The following MID1 variants were observed in gnomAD, a reference collection of about 807,000 sequenced individuals.
MID1 encodes E3 ubiquitin-protein ligase Midline-1.
MID1 carries 7 observed loss-of-function variants against 40.4 expected under a neutral mutation model. That is an observed-to-expected ratio of 0.17 (90% CI 0.10 to 0.33). MID1 has a LOEUF of 0.33. Among genes scored for constraint, MID1 ranks in the 10% least tolerant of loss-of-function variants. The pLI is 1.00. For missense variants in MID1, 367 were observed against 558.5 expected, an observed-to-expected ratio of 0.66 and a Z score of 3.46; for synonymous variants, 229 against 221.2, an observed-to-expected ratio of 1.04 and a Z score of -0.31.
intron 1 of MID1, among the ~76,000 whole-genome samples, chrX:10,779,067 G>C (rs1288221662): frequency 8.9e-6 from 1 of 112,925 alleles, no homozygotes; most frequent in African/African-American, 3.2e-5. Context: ...CTTCCATCTA[G>C]TTCTAGCAAG....
chrX:10,479,825 T>C (rs1040146140), intron 5 of MID1, among the ~76,000 whole-genome samples: 5 of 112,208 alleles, frequency 4.5e-5, no homozygotes, highest in Admixed American at 9.5e-5. Context: ...ATCTCTTCTA[T>C]ATACTGATTT....
chrX:10,822,132 C>T (rs1291945751), intron 1 of MID1, among the ~76,000 whole-genome samples: 1 of 111,015 alleles, frequency 9.0e-6, no homozygotes, highest in Non-Finnish European at 1.9e-5. Flanking sequence ...GGTACTTGTA[C>T]AAAAACAGAC....
At chrX:10,584,230 C>A (rs1157824257) in intron 1 of MID1, among the ~76,000 whole-genome samples, 2 of 111,711 alleles carry the variant, frequency 1.8e-5, no homozygotes, top group Non-Finnish European at 3.8e-5. Flanking sequence ...ACCATTAAGC[C>A]CCACATCCCA....
chrX:10,776,044 T>A (rs925572446), intron 1 of MID1, among the ~76,000 whole-genome samples: 1 of 111,505 alleles, frequency 9.0e-6, no homozygotes, highest in Admixed American at 9.6e-5. Context: ...TCCTGCTCCA[T>A]CAGCATGAAG....
At chrX:10,487,982 C>CT (rs953085669) in intron 4 of MID1, among the ~76,000 whole-genome samples, 1,430 of 87,871 alleles carry the variant, frequency 0.016, 29 homozygotes, top group African/African-American at 0.038. Context: ...ACCTACAAGT[C>CT]TTTTTTTTTT....
chrX:10,727,681 TCTAA>T (rs1490619136), intron 1 of MID1, among the ~76,000 whole-genome samples: 10 of 111,385 alleles, frequency 9.0e-5, no homozygotes, highest in East Asian at 5.6e-4. Flanking sequence ...ATTCCCAGAC[TCTAA>T]CTGACTTCTA....
chrX:10,511,918 G>A (rs963791821), intron 3 of MID1, among the ~76,000 whole-genome samples: 41 of 112,160 alleles, frequency 3.7e-4, no homozygotes, highest in Non-Finnish European at 7.5e-4. Flanking sequence ...ATGAAACAAA[G>A]TTTGTGTTAA....
intron 3 of MID1, among the ~76,000 whole-genome samples, chrX:10,495,956 A>G (rs1476628792): frequency 1.8e-5 from 2 of 112,519 alleles, no homozygotes; most frequent in Non-Finnish European, 3.8e-5. Flanking sequence ...TAACATGTAC[A>G]TAGCCATTAC....
intron 3 of MID1, among the ~76,000 whole-genome samples, chrX:10,518,490 C>T (rs1389459962): frequency 1.8e-5 from 2 of 110,926 alleles, no homozygotes; most frequent in African/African-American, 6.6e-5. Context: ...ACCCCCTTCC[C>T]CACATTTATA....
chrX:10,661,389 T>C (rs2042911183), intron 1 of MID1, among the ~76,000 whole-genome samples: 1 of 108,955 alleles, frequency 9.2e-6, no homozygotes, highest in South Asian at 4.1e-4. Context: ...CTCGGCTCAC[T>C]GCAAACTCTA....
At chrX:10,542,134 A>G (rs1181385633) in intron 2 of MID1, among the ~76,000 whole-genome samples, 2 of 112,455 alleles carry the variant, frequency 1.8e-5, no homozygotes, top group Non-Finnish European at 3.8e-5. Flanking sequence ...ACCAATGTAC[A>G]TATAAGAAGC....
rs768974606 is a variant in MID1 at position 10,641,309 on chromosome X, T to G, written c.-186-20890A>C. ...AAGAAGAAAAGAGAGAAGAATCAAA[T>G]AGACACAATAAAAAATGATAAAGGG... On this transcript the variant is annotated intron_variant, in intron 1 of 10. Coordinates refer to the MID1 transcript ENST00000380785. Among the ~76,000 whole-genome samples the G allele has an allele frequency of 5.4e-5, 6 of 111,034 alleles. No individual in the cohort carries two copies. In the East Asian group the frequency reaches 1.7e-3, roughly 31 times the overall value.
intron 1 of MID1, among the ~76,000 whole-genome samples, chrX:10,583,869 A>G (rs1935074631): frequency 9.0e-6 from 1 of 110,514 alleles, no homozygotes; most frequent in Non-Finnish European, 1.9e-5. Context: ...CGTCTCTACT[A>G]AAAATACAAA....
At chrX:10,663,123 G>T (rs1042275185) in intron 1 of MID1, among the ~76,000 whole-genome samples, 1 of 110,957 alleles carries the variant, frequency 9.0e-6, no homozygotes, top group South Asian at 3.9e-4. Context: ...TTAAAGTTTA[G>T]TTGAGATACA....
At chrX:10,551,853 G>A (rs1167187470) in intron 2 of MID1, among the ~76,000 whole-genome samples, 1 of 111,829 alleles carries the variant, frequency 8.9e-6, no homozygotes, top group East Asian at 2.8e-4. Context: ...GTGTGATCAC[G>A]GCTCACTGTA....
intron 3 of MID1, among the ~76,000 whole-genome samples, chrX:10,506,723 TG>T (rs779591947): frequency 5.4e-5 from 6 of 111,624 alleles, no homozygotes; most frequent in Non-Finnish European, 1.1e-4. Context: ...TGAGCTCTCA[TG>T]GAGGACAGAG....
chrX:10,530,723 G>T (rs1407603123), intron 2 of MID1, among the ~76,000 whole-genome samples: 1 of 111,645 alleles, frequency 9.0e-6, no homozygotes, highest in Non-Finnish European at 1.9e-5. Context: ...CATGGATAGG[G>T]ACACCAGCAG....
intron 4 of MID1, among the ~76,000 whole-genome samples, chrX:10,488,811 C>T (rs1341019045): frequency 2.7e-5 from 3 of 111,305 alleles, no homozygotes; most frequent in African/African-American, 9.8e-5. Flanking sequence ...TTAGCCTCCC[C>T]GTCTACATCT....
At chrX:10,483,117 A>G (rs766639668) in intron 4 of MID1, among the ~76,000 whole-genome samples, 1 of 112,535 alleles carries the variant, frequency 8.9e-6, no homozygotes, top group South Asian at 3.7e-4. Flanking sequence ...GAGAATGGAA[A>G]GCATTAAGTG....
Sources: allele counts gnomAD v4.1 joint callset (sites outside exome capture counted in the v4.1 genomes callset), GRCh38; gene constraint gnomAD v4.1.1; transcripts MANE v1.5; gene names NCBI Gene and HGNC (gene_info 2026-07-23, HGNC 2026-07-21).